LINGO2: variants seen among roughly 807,000 people sequenced by gnomAD.
The protein encoded by LINGO2 is leucine-rich repeat and immunoglobulin-like domain-containing nogo receptor-interacting protein 2.
Under a neutral mutation model 30.6 loss-of-function variants are expected in LINGO2, and 14 were observed. The ratio of observed to expected loss-of-function variants is 0.46; its 90% CI spans 0.30 to 0.72. The LOEUF is 0.72. Ranked by LOEUF, LINGO2 falls within the 30% of genes least tolerant of loss-of-function variation. LINGO2 has a pLI of 0.07. For missense variants in LINGO2, 729 were observed against 751.7 expected, an observed-to-expected ratio of 0.97 and a Z score of 0.35; for synonymous variants, 317 against 288.5, an observed-to-expected ratio of 1.10 and a Z score of -1.00.
intron 1 of LINGO2, among the ~76,000 whole-genome samples, chr9:28,536,521 G>A (rs542780148): frequency 4.6e-5 from 7 of 152,180 alleles, no homozygotes; most frequent in African/African-American, 1.7e-4. Context: ...CCAGTCGCTT[G>A]AGAGAAACTT....
At chr9:28,980,588 C>T in the LINGO2 span, among the ~76,000 whole-genome samples, 7 of 152,154 alleles carry the variant, frequency 4.6e-5, no homozygotes, top group East Asian at 5.8e-4. Context: ...GAAACACATG[C>T]GCCTCCAGGC....
At chr9:28,218,417 C>A (rs1045493043) in intron 4 of LINGO2, among the ~76,000 whole-genome samples, 22 of 151,746 alleles carry the variant, frequency 1.4e-4, no homozygotes, top group Non-Finnish European at 1.2e-4. Flanking sequence ...GTAATCTTGG[C>A]CAGTCTGCTT....
At chr9:28,455,659 G>C (rs1016271081) in intron 2 of LINGO2, among the ~76,000 whole-genome samples, 4 of 152,130 alleles carry the variant, frequency 2.6e-5, no homozygotes, top group Non-Finnish European at 5.9e-5. Context: ...CAGTCTGGGA[G>C]AATAGGCCAT....
the LINGO2 span, among the ~76,000 whole-genome samples, chr9:28,942,063 C>T: frequency 0.011 from 1,695 of 152,044 alleles, 40 homozygotes; most frequent in African/African-American, 0.039. Context: ...CGTTTTTATC[C>T]CCCAGGACGG....
At chr9:28,089,219 T>C (rs1039795587) in intron 4 of LINGO2, among the ~76,000 whole-genome samples, 1 of 152,174 alleles carries the variant, frequency 6.6e-6, no homozygotes, top group Non-Finnish European at 1.5e-5. Context: ...GTGGACCTAA[T>C]AGACATCTAC....
chr9:27,964,635 G>A (rs1820008538), intron 5 of LINGO2, among the ~76,000 whole-genome samples: 1 of 151,964 alleles, frequency 6.6e-6, no homozygotes, highest in Non-Finnish European at 1.5e-5. Flanking sequence ...ATTCAGGGGA[G>A]GTAAGAGGAT....
chr9:28,158,745 C>A (rs2133587574), intron 4 of LINGO2, among the ~76,000 whole-genome samples: 1 of 152,258 alleles, frequency 6.6e-6, no homozygotes, highest in South Asian at 2.1e-4. Flanking sequence ...TGCATGGGTG[C>A]ACAGCAGCTT....
chr9:28,919,662 T>A, the LINGO2 span, among the ~76,000 whole-genome samples: 4 of 152,124 alleles, frequency 2.6e-5, no homozygotes, highest in Non-Finnish European at 4.4e-5. Flanking sequence ...AGTAGTACAC[T>A]GCAAAAGATT....
At chr9:27,982,430 T>C (rs1045682010) in intron 5 of LINGO2, among the ~76,000 whole-genome samples, 1 of 151,830 alleles carries the variant, frequency 6.6e-6, no homozygotes, top group East Asian at 1.9e-4. Flanking sequence ...CACATACACA[T>C]GCATGCATGT....
chr9:29,071,499 ATATATATATATATATATATG>A, the LINGO2 span, among the ~76,000 whole-genome samples: 4,640 of 125,542 alleles, frequency 0.037, 148 homozygotes, highest in Admixed American at 0.081. Context: ...ATATATATAT[ATATATATATATATATATATG>A]TATATGTATA....
intron 2 of LINGO2, among the ~76,000 whole-genome samples, chr9:28,379,943 G>A (rs77487701): frequency 0.012 from 1,808 of 152,080 alleles, 38 homozygotes; most frequent in African/African-American, 0.042. Flanking sequence ...AGTAACAAGA[G>A]GAAGAATACT....
At chr9:28,803,621 C>T in the LINGO2 span, among the ~76,000 whole-genome samples, 1 of 151,810 alleles carries the variant, frequency 6.6e-6, no homozygotes, top group Non-Finnish European at 1.5e-5. Context: ...AGTGAATTTC[C>T]TAAAGTAACA....
At chr9:28,301,460 G>C (rs1288411890) in intron 3 of LINGO2, among the ~76,000 whole-genome samples, 2 of 152,062 alleles carry the variant, frequency 1.3e-5, no homozygotes, top group Admixed American at 1.3e-4. Context: ...AATTATGAGA[G>C]TGTTGTTGAT....
At chr9:28,708,563 C>A in the LINGO2 span, among the ~76,000 whole-genome samples, 3 of 152,152 alleles carry the variant, frequency 2.0e-5, no homozygotes, top group African/African-American at 7.2e-5. Context: ...TAACCCTCTT[C>A]CAGTGGAACA....
At chr9:28,167,090 C>A (rs10968360) in intron 4 of LINGO2, among the ~76,000 whole-genome samples, 5,629 of 151,608 alleles carry the variant, frequency 0.037, 344 homozygotes, top group African/African-American at 0.13. Context: ...TGAGGAAGAG[C>A]CTCAAGGGAA....
chr9:28,822,176 C>T, the LINGO2 span, among the ~76,000 whole-genome samples: 5 of 152,126 alleles, frequency 3.3e-5, no homozygotes, highest in South Asian at 2.1e-4. Flanking sequence ...AGAAGAATCT[C>T]ACACCAAAGC....
rs562298289 is a variant in LINGO2, at chr9:28,233,054, ATATATAT to A, written c.-87+62147_-87+62153del. Among the ~76,000 whole-genome samples, 69 of 120,054 alleles carry A rather than the reference ATATATAT, an allele frequency of 5.7e-4. 1 individual carries two copies. Among genetic ancestry groups the A allele is most frequent in the South Asian group, 4.4e-3 (16 of 3,646 alleles). The allele number at this position is 120,054 out of a possible 152,430, so 78.8% of individuals were successfully genotyped here. A position where few individuals can be genotyped will look rare whatever the true frequency, so the allele number is the denominator to read the frequency against. On this transcript the variant is annotated intron_variant, in intron 4 of 5. Transcript: ENST00000379992. ...ATTATATATATATATATATATATAT[ATATATAT>A]TAGATATATAATAGATATACAGTAA...
At chr9:28,009,220 A>C (rs1201673100) in intron 5 of LINGO2, among the ~76,000 whole-genome samples, 2 of 151,970 alleles carry the variant, frequency 1.3e-5, no homozygotes, top group Non-Finnish European at 2.9e-5. Context: ...CCCTAACTTC[A>C]TATGATACAC....
the LINGO2 span, among the ~76,000 whole-genome samples, chr9:29,075,073 T>A: frequency 2.1e-4 from 32 of 152,316 alleles, no homozygotes; most frequent in African/African-American, 7.7e-4. Flanking sequence ...GGAATTGTAT[T>A]GTCTGTTTTG....
Sources: gnomAD v4.1 joint callset for allele counts (sites outside exome capture counted in the v4.1 genomes callset) on GRCh38, gnomAD v4.1.1 for gene constraint, MANE v1.5 for transcripts, NCBI Gene and HGNC (gene_info 2026-07-23, HGNC 2026-07-21) for gene names.